Variants in KIF13A observed in about 807,000 individuals in gnomAD.
KIF13A encodes kinesin family member 13A, also known as kinesin-like protein KIF13A.
Under a neutral mutation model 212.2 loss-of-function variants are expected in KIF13A, and 79 were observed. The ratio of observed to expected loss-of-function variants is 0.37; its 90% CI spans 0.31 to 0.45. The LOEUF is 0.45. KIF13A is among the 20% of genes least tolerant of loss of function. The pLI is 1.00. For missense variants in KIF13A, 1,901 were observed against 2,209.0 expected, an observed-to-expected ratio of 0.86 and a Z score of 2.79; for synonymous variants, 789 against 808.6, an observed-to-expected ratio of 0.98 and a Z score of 0.41.
chr6:17,947,316 T>C lies in KIF13A; in HGVS notation c.146+39738A>G, dbSNP rs1777488676. On this transcript the variant is annotated intron_variant, in intron 2 of 38. Coordinates refer to ENST00000259711, the MANE Select transcript of KIF13A (RefSeq NM_022113.6). The surrounding 1 kb of genome is among the most constrained non-coding windows in gnomAD (Gnocchi z 4.6). ...GTTGAAACCAAATATATAAGTTATA[T>C]ACTTCTTTATTATACATGCAATGAA... Among the ~76,000 whole-genome samples, 2 of 152,176 alleles carry C rather than the reference T, an allele frequency of 1.3e-5. No individual in the cohort carries two copies. Among genetic ancestry groups the C allele is most frequent in the African/African-American group, 4.8e-5 (2 of 41,436 alleles).
chr6:17,910,041 C>T (rs1455113840), intron 2 of KIF13A, among the ~76,000 whole-genome samples: 4 of 152,212 alleles, frequency 2.6e-5, no homozygotes, highest in African/African-American at 9.6e-5. Flanking sequence ...AGGACAACCA[C>T]ACCTGACATC....
In KIF13A at chr6:17,982,989, T is replaced by C. The variant is rs1781220754; in HGVS notation, c.146+4065A>G. Among the ~76,000 whole-genome samples, 1 of 151,906 alleles carries C rather than the reference T, an allele frequency of 6.6e-6. No individual in the cohort carries two copies. The highest frequency in any genetic ancestry group is 1.5e-5 in the Non-Finnish European group (1 of 67,986). On this transcript the variant is annotated intron_variant, in intron 2 of 38. Coordinates refer to ENST00000259711, the MANE Select transcript of KIF13A (RefSeq NM_022113.6). This position sits in a 1 kb window ranked among gnomAD's most constrained non-coding sequence, Gnocchi z 5.1. ...TTTGAGACCAGCCTGGCCAACATAGTGAAACCCCGTCTCTACTAAAAATAC... is the reference window on the plus strand; with the variant it reads ...TTTGAGACCAGCCTGGCCAACATAGCGAAACCCCGTCTCTACTAAAAATAC...
At chr6:17,796,179 T>C (rs1397206875) in intron 23 of KIF13A, among the ~76,000 whole-genome samples, 3 of 141,856 alleles carry the variant, frequency 2.1e-5, no homozygotes, top group Non-Finnish European at 3.2e-5. Flanking sequence ...AAAGCCTGTA[T>C]TCTTTTTTTT....
At position 17,785,686 on chromosome 6, in the gene KIF13A, A is replaced by G. The variant is rs76945501; in HGVS notation, c.3362-45T>C. The G allele has an allele frequency of 3.1e-3, 4,904 of 1,575,238 alleles. 101 individuals are homozygous for G. The African/African-American group carries it at 0.051, about 16-fold the overall frequency. ...GATCAATGCCAACAAGAGAGAAAGTATGACTTCTCAGTTTACAAGGAATAG... is the reference window on the plus strand; with the variant it reads ...GATCAATGCCAACAAGAGAGAAAGTGTGACTTCTCAGTTTACAAGGAATAG... On this transcript the variant is annotated intron_variant, in intron 27 of 38. Transcript: ENST00000259711. This position sits in a 1 kb window ranked among gnomAD's most constrained non-coding sequence, Gnocchi z 5.8.
intron 2 of KIF13A, among the ~76,000 whole-genome samples, chr6:17,942,889 G>A (rs1777069863): frequency 6.6e-6 from 1 of 152,108 alleles, no homozygotes; most frequent in African/African-American, 2.4e-5. Context: ...TGAGGAAGGA[G>A]AACTGCTTGA....
chr6:17,975,859 G>A (rs1216783672), intron 2 of KIF13A, among the ~76,000 whole-genome samples: 8 of 151,828 alleles, frequency 5.3e-5, no homozygotes, highest in Admixed American at 5.2e-4. Flanking sequence ...GTGCTAATTG[G>A]TGTTTACAAA....
downstream of KIF13A, among the ~76,000 whole-genome samples, chr6:17,762,844 T>G (rs949592648): frequency 6.6e-6 from 1 of 152,234 alleles, no homozygotes. Flanking sequence ...GTAATGAGTA[T>G]GCTGTATAAA....
Position 17,872,189 on chromosome 6 carries a change from T to C in KIF13A, c.220+1188A>G, listed in dbSNP as rs191484714. Among the ~76,000 whole-genome samples, 4 of 152,352 alleles carry C rather than the reference T, an allele frequency of 2.6e-5. No homozygotes were observed. The highest frequency in any genetic ancestry group is 1.3e-4 in the Admixed American group (2 of 15,304). ...AGATTGTTAACTCTTGAAAAAATTA[T>C]GTTATCAAACAATTTCTCAAGTTTG... is the stretch of plus-strand genomic sequence containing the variant. On this transcript the variant is annotated intron_variant, in intron 4 of 38. Transcript: ENST00000259711. The surrounding 1 kb of genome is among the most constrained non-coding windows in gnomAD (Gnocchi z 4.7).
chr6:17,772,871 G>A lies in KIF13A; in HGVS notation c.4324+607C>T, dbSNP rs968915759. Reference sequence around the variant, plus strand: ...GGAGGACAATTCTTCTTCCTTGCTTGTATCATTTCTTACCTTTTTGGCCTC... The same window carrying A: ...GGAGGACAATTCTTCTTCCTTGCTTATATCATTTCTTACCTTTTTGGCCTC... On this transcript the variant is annotated intron_variant, in intron 36 of 38. Coordinates refer to ENST00000259711, the MANE Select transcript of KIF13A (RefSeq NM_022113.6). The surrounding 1 kb of genome is among the most constrained non-coding windows in gnomAD (Gnocchi z 4.8). 6.6e-6 allele frequency among the ~76,000 whole-genome samples: 1 copy of A among 152,024 alleles called. No homozygotes were observed. The highest frequency in any genetic ancestry group is 1.5e-5 in the Non-Finnish European group (1 of 68,006).
chr6:17,859,363 G>A (rs1768472945), intron 4 of KIF13A, among the ~76,000 whole-genome samples: 1 of 151,772 alleles, frequency 6.6e-6, no homozygotes, highest in Non-Finnish European at 1.5e-5. Flanking sequence ...AGCACTCTGG[G>A]AGGCCGAGGT....
In KIF13A at chr6:17,772,052, T is replaced by C; in HGVS notation, c.4332A>G (p.Thr1444=). ...CGGTTAAGGCATGAGGAGTCTCTGA[T>C]GTACAACCTAGGGAAGATGAGAAGT... ...DSPRRNKEGC[T]SETPHALTVS... is the part of the protein sequence containing the mutation. Residue 1444 remains threonine, a synonymous_variant, in exon 37 of 39, where the codon ACA becomes ACG. Coordinates refer to ENST00000259711, the MANE Select transcript of KIF13A (RefSeq NM_022113.6). This position sits in a 1 kb window ranked among gnomAD's most constrained non-coding sequence, Gnocchi z 4.8. 1 of 1,613,866 alleles carries C rather than the reference T, an allele frequency of 6.2e-7. No homozygotes were observed. Among genetic ancestry groups the C allele is most frequent in the Non-Finnish European group, 8.5e-7 (1 of 1,179,792 alleles).
intron 23 of KIF13A, chr6:17,795,101 T>A (rs1403937255): frequency 2.4e-5 from 4 of 168,634 alleles, no homozygotes; most frequent in Non-Finnish European, 5.1e-5. Context: ...CATTATGTAT[T>A]CTTGTGTCTG....
intron 3 of KIF13A, among the ~76,000 whole-genome samples, chr6:17,896,807 C>A (rs867089650): frequency 1.3e-5 from 2 of 152,140 alleles, no homozygotes; most frequent in African/African-American, 4.8e-5. Context: ...ACTAAGCAGG[C>A]ATATGTGGAG....
rs368788633 is a variant in KIF13A at position 17,826,107 on chromosome 6, G to A, written c.1550C>T (p.Thr517Ile). ...CAGCTGGGTGGTACTGCACACAAGG[G>A]TGCCGTTCACACAGGACCTGGGAGA... is the stretch of plus-strand genomic sequence containing the variant. ...KENARSCVNGTLVCSTTQLWH... is the reference protein window; with the variant it reads ...KENARSCVNGILVCSTTQLWH... Residue 517 changes from threonine to isoleucine, a missense_variant, in exon 15 of 39, where the codon ACC becomes ATC. Thr to Ile is a moderately conservative substitution (Grantham distance 89). This residue lies in a region of KIF13A where 506 missense variants were observed against 637.4 expected (regional missense o/e 0.79). Coordinates refer to ENST00000259711, the MANE Select transcript of KIF13A (RefSeq NM_022113.6). This position sits in a 1 kb window ranked among gnomAD's most constrained non-coding sequence, Gnocchi z 4.7. The A allele has an allele frequency of 1.9e-6, 3 of 1,613,840 alleles. No homozygotes were observed. The highest frequency in any genetic ancestry group is 2.5e-6 in the Non-Finnish European group (3 of 1,179,860).
In KIF13A at chr6:17,800,068, C is replaced by T. The variant is rs748106972; in HGVS notation, c.2500G>A (p.Val834Ile). Residue 834 changes from valine to isoleucine, a missense_variant, in exon 21 of 39, where the codon GTT becomes ATT. By Grantham distance (29) the Val-to-Ile change is conservative. Transcript: ENST00000259711. Reference sequence around the variant, plus strand: ...TCATCCTCCACCACACGCTCTGGAACAGCTCCTGTAACACGCATCACTTCC... The same window carrying T: ...TCATCCTCCACCACACGCTCTGGAATAGCTCCTGTAACACGCATCACTTCC... ...HVEVMRVTGA[V>I]PERVVEDDSS... The T allele has an allele frequency of 1.9e-6, 3 of 1,613,864 alleles. No individual in the cohort carries two copies. Among genetic ancestry groups the T allele is most frequent in the East Asian group, 4.5e-5 (2 of 44,890 alleles).
intron 2 of KIF13A, among the ~76,000 whole-genome samples, chr6:17,976,282 G>C (rs1232139921): frequency 6.6e-6 from 1 of 152,220 alleles, no homozygotes; most frequent in African/African-American, 2.4e-5. Flanking sequence ...AGCCCACGGA[G>C]CGGGTGGGAG....
intron 4 of KIF13A, among the ~76,000 whole-genome samples, chr6:17,867,543 C>T (rs1769524079): frequency 6.6e-6 from 1 of 152,154 alleles, no homozygotes. Context: ...AATCTCATTT[C>T]AACCCACAAG....
chr6:17,929,080 A>AC (rs1775758979), intron 2 of KIF13A, among the ~76,000 whole-genome samples: 2 of 151,588 alleles, frequency 1.3e-5, no homozygotes, highest in Non-Finnish European at 1.5e-5. Context: ...AAAAAAAAAA[A>AC]AAACAAAGGA....
At chr6:17,932,380 A>T (rs560693028) in intron 2 of KIF13A, among the ~76,000 whole-genome samples, 3 of 152,250 alleles carry the variant, frequency 2.0e-5, no homozygotes, top group Non-Finnish European at 4.4e-5. Context: ...AGTCAGCCAG[A>T]CTAAAGCATT....
Sources: allele counts gnomAD v4.1 joint callset (sites outside exome capture counted in the v4.1 genomes callset), GRCh38; gene constraint gnomAD v4.1.1; regional missense constraint gnomAD v4.1.1; non-coding constraint Gnocchi (gnomAD v3.1); transcripts MANE v1.5; gene names NCBI Gene and HGNC (gene_info 2026-07-23, HGNC 2026-07-21).